PRKG1: variants seen among roughly 807,000 people sequenced by gnomAD.
The protein encoded by PRKG1 is cGMP-dependent protein kinase 1.
A neutral mutation model predicts 88.1 loss-of-function variants in PRKG1; 35 were observed. The observed-to-expected ratio is 0.40, with a 90% CI of 0.30 to 0.53. The LOEUF (loss-of-function observed/expected upper bound fraction) is 0.53. PRKG1 is among the 20% of genes least tolerant of loss of function. PRKG1 has a pLI of 0.59. For missense variants in PRKG1, 540 were observed against 839.8 expected, an observed-to-expected ratio of 0.64 and a Z score of 4.41; for synonymous variants, 303 against 292.5, an observed-to-expected ratio of 1.04 and a Z score of -0.37.
At position 51,125,225 on chromosome 10, in the gene PRKG1, G is replaced by T. The variant is rs903751355; in HGVS notation, c.312-27939G>T. Among the ~76,000 whole-genome samples the T allele has an allele frequency of 2.6e-5, 4 of 152,170 alleles. No individual in the cohort carries two copies. The East Asian group carries it at 7.7e-4, about 29-fold the overall frequency. The stretch of plus-strand genomic sequence containing the variant: ...TGTGGTCCCAGCTACTCATGAGGCT[G>T]AGGTGGGAGGATCACTTGAGCCTGG... On this transcript the variant is annotated intron_variant, in intron 1 of 17. Coordinates refer to ENST00000373980, the MANE Select transcript of PRKG1 (RefSeq NM_006258.4).
At chr10:52,069,047 A>G (rs143169858) in intron 7 of PRKG1, among the ~76,000 whole-genome samples, 120 of 140,502 alleles carry the variant, frequency 8.5e-4, no homozygotes, top group African/African-American at 2.7e-3. Context: ...CCTGTGCCAC[A>G]TGCCAGGCCC....
At chr10:51,687,980 T>G (rs1233775255) in intron 3 of PRKG1, among the ~76,000 whole-genome samples, 2 of 152,228 alleles carry the variant, frequency 1.3e-5, no homozygotes, top group Non-Finnish European at 2.9e-5. Context: ...ATCTAATACA[T>G]GGGCTATCTC....
rs1205766713 is a variant in PRKG1, at chr10:52,171,140, G to T, written c.1076+9177G>T. The stretch of plus-strand genomic sequence containing the variant: ...TTATTGGTGTGTTTTTTTTTTTTTT[G>T]GTTTTGTTTTTTTTTTTGCCTGACA... On this transcript the variant is annotated intron_variant, in intron 9 of 17. Transcript: ENST00000373980. 5.8e-3 allele frequency among the ~76,000 whole-genome samples: 252 copies of T among 43,750 alleles called. 1 individual carries two copies. Among genetic ancestry groups the T allele is most frequent in the African/African-American group, 9.9e-3 (205 of 20,694 alleles). 28.7% of individuals were successfully genotyped at this position (43,750 alleles called of 152,430 possible). A position where few individuals can be genotyped will look rare whatever the true frequency, so the allele number is the denominator to read the frequency against.
At chr10:52,231,813 C>A (rs568103259) in intron 9 of PRKG1, among the ~76,000 whole-genome samples, 1 of 152,162 alleles carries the variant, frequency 6.6e-6, no homozygotes, top group African/African-American at 2.4e-5. Context: ...GTTTCCTAAT[C>A]AGCAAGTAAC....
At chr10:51,916,867 C>A (rs1428683828) in intron 5 of PRKG1, among the ~76,000 whole-genome samples, 1 of 152,028 alleles carries the variant, frequency 6.6e-6, no homozygotes, top group Non-Finnish European at 1.5e-5. Context: ...TTGATATATG[C>A]TACAACATGG....
intron 5 of PRKG1, among the ~76,000 whole-genome samples, chr10:51,935,019 G>A (rs757475047): frequency 6.6e-6 from 1 of 152,078 alleles, no homozygotes; most frequent in African/African-American, 2.4e-5. Flanking sequence ...GATGGTTCCG[G>A]CAATGGGAAC....
chr10:51,600,923 A>C (rs1332887871), intron 3 of PRKG1, among the ~76,000 whole-genome samples: 4 of 149,120 alleles, frequency 2.7e-5, no homozygotes, highest in African/African-American at 9.9e-5. Context: ...TTCATTTTTG[A>C]GAGAGAGAGA....
chr10:51,184,485 A>G (rs1837431661), intron 2 of PRKG1, among the ~76,000 whole-genome samples: 2 of 152,188 alleles, frequency 1.3e-5, no homozygotes, highest in Non-Finnish European at 2.9e-5. Context: ...AAGGCTATTT[A>G]TCTTTATTCT....
chr10:51,243,525 A>G (rs1839209056), intron 2 of PRKG1, among the ~76,000 whole-genome samples: 1 of 151,874 alleles, frequency 6.6e-6, no homozygotes, highest in Non-Finnish European at 1.5e-5. Context: ...TCCTCCCTGG[A>G]CTCATCGTCT....
chr10:51,394,548 C>T (rs1348005714), intron 2 of PRKG1, among the ~76,000 whole-genome samples: 1 of 152,336 alleles, frequency 6.6e-6, no homozygotes, highest in East Asian at 1.9e-4. Context: ...TAAACTCCAA[C>T]TCCCAATGGA....
chr10:51,668,309 T>C (rs1178630371), intron 3 of PRKG1, among the ~76,000 whole-genome samples: 1 of 152,248 alleles, frequency 6.6e-6, no homozygotes, highest in East Asian at 1.9e-4. Flanking sequence ...GTACCACTTG[T>C]TGGAGTTTAG....
chr10:51,185,901 C>G (rs936531963), intron 2 of PRKG1, among the ~76,000 whole-genome samples: 4 of 151,290 alleles, frequency 2.6e-5, no homozygotes, highest in Admixed American at 1.3e-4. Flanking sequence ...AAGTCATTTC[C>G]TTAGGATAAA....
chr10:51,797,562 A>G (rs1839048382), intron 3 of PRKG1, among the ~76,000 whole-genome samples: 1 of 147,004 alleles, frequency 6.8e-6, no homozygotes, highest in Non-Finnish European at 1.5e-5. Context: ...ATAATATTTT[A>G]TTATATTATT....
In PRKG1 at chr10:51,974,104, A is replaced by G. The variant is rs559019294; in HGVS notation, c.762+66534A>G. Among the ~76,000 whole-genome samples, 17 of 152,272 alleles carry G rather than the reference A, an allele frequency of 1.1e-4. No homozygotes were observed. The South Asian group carries it at 2.9e-3, about 26-fold the overall frequency. ...TGAGACCCCATGGCCTGCAAAGACT[A>G]AAATATTTACTATCTGGTCATTTAT... On this transcript the variant is annotated intron_variant, in intron 5 of 17. Coordinates refer to ENST00000373980, the MANE Select transcript of PRKG1 (RefSeq NM_006258.4).
chr10:51,079,059 G>T (rs9415710), intron 1 of PRKG1, among the ~76,000 whole-genome samples: 38,203 of 152,126 alleles, frequency 0.25, 5,005 homozygotes, highest in African/African-American at 0.3. Context: ...TAGAATTCTA[G>T]TGTAATCATA....
At chr10:51,409,901 G>C (rs977678994) in intron 2 of PRKG1, among the ~76,000 whole-genome samples, 2 of 149,646 alleles carry the variant, frequency 1.3e-5, no homozygotes, top group African/African-American at 4.9e-5. Flanking sequence ...AGATGTCAGG[G>C]CCTTGCTCTA....
intron 3 of PRKG1, among the ~76,000 whole-genome samples, chr10:51,491,156 T>C (rs1289459499): frequency 6.6e-6 from 1 of 152,078 alleles, no homozygotes; most frequent in Non-Finnish European, 1.5e-5. Flanking sequence ...ATCTGATGAA[T>C]CTCCTTGAAT....
At chr10:51,445,531 T>TAACAACAAC (rs943253236) in intron 2 of PRKG1, among the ~76,000 whole-genome samples, 5,318 of 151,840 alleles carry the variant, frequency 0.035, 309 homozygotes, top group African/African-American at 0.12. Flanking sequence ...AGGTTAAATA[T>TAACAACAAC]AACAACAACA....
chr10:51,200,151 A>G (rs1837875983), intron 2 of PRKG1, among the ~76,000 whole-genome samples: 2 of 152,222 alleles, frequency 1.3e-5, no homozygotes, highest in Admixed American at 1.3e-4. Context: ...AAAAGCATAC[A>G]GAGTGGGAGG....
Sources: allele counts gnomAD v4.1 joint callset (sites outside exome capture counted in the v4.1 genomes callset), GRCh38; gene constraint gnomAD v4.1.1; transcripts MANE v1.5; gene names NCBI Gene and HGNC (gene_info 2026-07-23, HGNC 2026-07-21).